The following RBM6 variants were observed in gnomAD, a reference collection of about 807,000 sequenced individuals.
The protein encoded by RBM6 is RNA binding motif protein 6, also known as RNA-binding protein 6.
RBM6 carries 23 observed loss-of-function variants against 140.4 expected under a neutral mutation model. The observed-to-expected ratio is 0.16, with a 90% CI of 0.12 to 0.23. RBM6 has a LOEUF of 0.23. Among genes scored for constraint, RBM6 ranks in the 10% least tolerant of loss-of-function variants. The pLI is 1.00. For missense variants in RBM6, 1,139 were observed against 1,386.7 expected (o/e 0.82, Z 2.84); for synonymous variants, 439 against 475.6 (o/e 0.92, Z 1.00).
chr3:49,960,612 G>T (rs111794449), intron 1 of RBM6, among the ~76,000 whole-genome samples: 3 of 152,114 alleles, frequency 2.0e-5, no homozygotes, highest in Non-Finnish European at 4.4e-5. Context: ...CAAATCCAAG[G>T]TCATGAAGAT....
chr3:50,001,870 A>G (rs11130237), intron 6 of RBM6, among the ~76,000 whole-genome samples: 11,994 of 152,238 alleles, frequency 0.079, 523 homozygotes, highest in African/African-American at 0.1. Flanking sequence ...TATAAAGAAA[A>G]TGAAGCAGGG....
intron 6 of RBM6, among the ~76,000 whole-genome samples, chr3:50,012,514 C>T (rs1046261682): frequency 9.9e-5 from 15 of 151,880 alleles, no homozygotes; most frequent in South Asian, 6.3e-4. Flanking sequence ...CCTGCCACCA[C>T]GCCCGGCTAA....
Position 50,061,972 on chromosome 3 carries a change from A to T in RBM6, c.2450A>T (p.Tyr817Phe), listed in dbSNP as rs781706198. 6.2e-7 allele frequency: 1 copy of T among 1,613,246 alleles called. No homozygotes were observed. The highest frequency in any genetic ancestry group is 1.1e-5 in the South Asian group (1 of 90,880). ...YYDPNTQQEV[Y>F]VPQDPGLPEE... ...CCAACTGTATCGCAGCAAGAAGTCT[A>T]TGTGCCCCAGGATCCTGGATTACCT... Residue 817 changes from tyrosine to phenylalanine, a missense_variant, in exon 15 of 21, where the codon TAT becomes TTT. Coordinates refer to ENST00000266022, the MANE Select transcript of RBM6 (RefSeq NM_005777.3).
chr3:50,071,856 C>T (rs898500286), intron 19 of RBM6, among the ~76,000 whole-genome samples: 10 of 151,742 alleles, frequency 6.6e-5, no homozygotes, highest in East Asian at 5.8e-4. Context: ...GAGGCCGAGG[C>T]GGGTGGATCA....
At chr3:50,018,346 C>T (rs2087280641) in intron 6 of RBM6, among the ~76,000 whole-genome samples, 1 of 152,056 alleles carries the variant, frequency 6.6e-6, no homozygotes, top group African/African-American at 2.4e-5. Context: ...TCCTCTATGT[C>T]TTTTTGTGGT....
At chr3:50,038,813 A>G (rs988508185) in intron 6 of RBM6, among the ~76,000 whole-genome samples, 9 of 152,184 alleles carry the variant, frequency 5.9e-5, no homozygotes, top group East Asian at 1.9e-4. Context: ...AGCCTAGGCA[A>G]CAGAGCAAGA....
At chr3:49,979,627 G>A (rs1300239716) in intron 5 of RBM6, among the ~76,000 whole-genome samples, 1 of 151,960 alleles carries the variant, frequency 6.6e-6, no homozygotes, top group Non-Finnish European at 1.5e-5. Context: ...TTTTAGTAGA[G>A]ACGGGGTTTC....
intron 6 of RBM6, among the ~76,000 whole-genome samples, chr3:50,043,945 G>A (rs1409318404): frequency 4.0e-5 from 6 of 148,762 alleles, no homozygotes; most frequent in African/African-American, 1.5e-4. Flanking sequence ...GTGCAGTGGC[G>A]TGATCTTGGC....
chr3:50,060,720 C>G (rs2089903805), intron 11 of RBM6: 1 of 263,070 alleles, frequency 3.8e-6, no homozygotes, highest in African/African-American at 2.4e-5. Flanking sequence ...CGCCACCGCA[C>G]TCCAGCCTGG....
chr3:49,967,516 C>G lies in RBM6; in HGVS notation c.91C>G (p.Pro31Ala). The G allele has an allele frequency of 6.2e-7, 1 of 1,614,036 alleles. No homozygotes were observed. Among genetic ancestry groups the G allele is most frequent in the Non-Finnish European group, 8.5e-7 (1 of 1,179,978 alleles). The change falls in exon 3 of 21, where the codon CCT becomes GCT. Residue 31 changes from proline (P) to alanine (A), a missense_variant. Physicochemically the swap from Pro to Ala is conservative, Grantham distance 27. Transcript: ENST00000266022. The surrounding 1 kb of genome is among the most constrained non-coding windows in gnomAD (Gnocchi z 4.0). ...RFAPGWNRDYPPPPLKSHAQE... is the reference protein window; with the variant it reads ...RFAPGWNRDYAPPPLKSHAQE... The stretch of plus-strand genomic sequence containing the variant: ...TGCTCCCGGGTGGAACAGGGATTAT[C>G]CTCCTCCTCCCCTTAAGAGTCATGC...
chr3:50,023,432 A>G (rs915491762), intron 6 of RBM6, among the ~76,000 whole-genome samples: 2 of 152,000 alleles, frequency 1.3e-5, no homozygotes, highest in South Asian at 2.1e-4. Flanking sequence ...CAGCATCCCA[A>G]GTAGCTGGGA....
chr3:50,021,740 CTTTTTTTTTTTTTTT>C (rs542734328), intron 6 of RBM6, among the ~76,000 whole-genome samples: 17 of 42,732 alleles, frequency 4.0e-4, no homozygotes, highest in East Asian at 1.7e-3. Flanking sequence ...AATTTAAGTG[CTTTTTTTTTTTTTTT>C]TTTTTTTTTT....
intron 6 of RBM6, among the ~76,000 whole-genome samples, chr3:50,036,414 G>A (rs2088541134): frequency 6.6e-6 from 1 of 152,048 alleles, no homozygotes; most frequent in Non-Finnish European, 1.5e-5. Context: ...AACTCCAGCA[G>A]GGATATAGTT....
At chr3:49,970,993 G>A (rs1273994035) in intron 3 of RBM6, among the ~76,000 whole-genome samples, 16 of 151,950 alleles carry the variant, frequency 1.1e-4, no homozygotes, top group Admixed American at 6.6e-4. Context: ...TAGGCCAGGC[G>A]TGGTGGTTCT....
chr3:50,010,900 C>CAA (rs776065398), intron 6 of RBM6, among the ~76,000 whole-genome samples: 32,988 of 52,188 alleles, frequency 0.63, 12,074 homozygotes, highest in East Asian at 0.79. Flanking sequence ...AAGACTGTCT[C>CAA]AAAAAAAAAA....
rs1354297345 is a variant in RBM6, at chr3:50,012,738, C to CT, written c.1557+13246dup. Among the ~76,000 whole-genome samples the CT allele has an allele frequency of 6.8e-3, 825 of 120,832 alleles. 8 individuals are homozygous for CT. Among genetic ancestry groups the CT allele is most frequent in the Non-Finnish European group, 8.8e-3 (529 of 59,914 alleles). 79.3% of individuals were successfully genotyped at this position (120,832 alleles called of 152,430 possible). A position where few individuals can be genotyped will look rare whatever the true frequency, so the allele number is the denominator to read the frequency against. On this transcript the variant is annotated intron_variant, in intron 6 of 20. Coordinates refer to ENST00000266022, the MANE Select transcript of RBM6 (RefSeq NM_005777.3). ...TGTGTTCTTTTCACCTAGATTCTACCTTTTTTTTTTTTTTTTTTTTTGAGG... is the reference window on the plus strand; with the variant it reads ...TGTGTTCTTTTCACCTAGATTCTACCTTTTTTTTTTTTTTTTTTTTTTGAGG...
intron 6 of RBM6, among the ~76,000 whole-genome samples, chr3:50,042,561 C>T (rs1452270696): frequency 2.6e-5 from 4 of 151,948 alleles, no homozygotes; most frequent in African/African-American, 9.7e-5. Flanking sequence ...AGTGAGACCC[C>T]CATCTCTACA....
chr3:49,948,761 G>T (rs1213176814), intron 1 of RBM6, among the ~76,000 whole-genome samples: 3 of 149,248 alleles, frequency 2.0e-5, no homozygotes, highest in African/African-American at 7.4e-5. Flanking sequence ...GGTAGAGGTT[G>T]CAGTGAGCTG....
chr3:50,063,346 C>T (rs2090009111), intron 15 of RBM6, among the ~76,000 whole-genome samples: 1 of 152,132 alleles, frequency 6.6e-6, no homozygotes, highest in South Asian at 2.1e-4. Context: ...GTGGCTCACA[C>T]CTGTAATCCC....
Sources: gnomAD v4.1 joint callset for allele counts (sites outside exome capture counted in the v4.1 genomes callset) on GRCh38, gnomAD v4.1.1 for gene constraint, Gnocchi (gnomAD v3.1) non-coding constraint, MANE v1.5 for transcripts, NCBI Gene and HGNC (gene_info 2026-07-23, HGNC 2026-07-21) for gene names.